The following ANKMY1 variants were observed in gnomAD, a reference collection of about 807,000 sequenced individuals.
ANKMY1 encodes the protein ankyrin repeat and MYND domain-containing protein 1.
ANKMY1 carries 98 observed loss-of-function variants against 102.0 expected under a neutral mutation model. That is an observed-to-expected ratio of 0.96 (90% confidence interval 0.82 to 1.14). The LOEUF (loss-of-function observed/expected upper bound fraction) is 1.14. Among genes scored for constraint, ANKMY1 ranks in the 50% most tolerant of loss-of-function variants. The pLI, the probability that ANKMY1 is intolerant of heterozygous loss-of-function variation, is 0.00. For missense variants in ANKMY1, 1,330 were observed against 1,347.6 expected (o/e 0.99, Z 0.20); for synonymous variants, 582 against 559.9 (o/e 1.04, Z -0.56).
intron 4 of ANKMY1, among the ~76,000 whole-genome samples, chr2:240,548,043 G>T (rs377017039): frequency 2.0e-5 from 3 of 152,052 alleles, no homozygotes; most frequent in Non-Finnish European, 4.4e-5. Context: ...TACCAAAGCC[G>T]GGCAGAGACA....
At chr2:240,541,622 C>T (rs2088840873) in intron 4 of ANKMY1, among the ~76,000 whole-genome samples, 1 of 151,726 alleles carries the variant, frequency 6.6e-6, no homozygotes. Flanking sequence ...CCTGCCTCAG[C>T]CTCCAGAGTA....
rs1191644267 is a variant in ANKMY1, at chr2:240,557,213, C to T, written c.123G>A (p.Lys41=). The change falls in exon 2 of 18, where the codon AAG becomes AAA. Residue 41 remains lysine (K), a synonymous_variant. Coordinates refer to ENST00000401804, the MANE Select transcript of ANKMY1 (RefSeq NM_001282771.3). ...ACCTTGTGGCGAAGACAGCGTAGTTCTTCAGGGACCCCGGCTCCTCGGCAG... is the reference window on the plus strand; with the variant it reads ...ACCTTGTGGCGAAGACAGCGTAGTTTTTCAGGGACCCCGGCTCCTCGGCAG... ...TPAAEEPGSL[K]NYAVFATRDV... 3 of 1,573,624 alleles carry T rather than the reference C, an allele frequency of 1.9e-6. No homozygotes were observed. Among genetic ancestry groups the T allele is most frequent in the Non-Finnish European group, 1.7e-6 (2 of 1,158,314 alleles).
downstream of ANKMY1, among the ~76,000 whole-genome samples, chr2:240,476,287 A>G (rs1230919820): frequency 2.6e-5 from 4 of 152,198 alleles, no homozygotes; most frequent in Non-Finnish European, 4.4e-5. Context: ...TCGGATATGT[A>G]CATGCAGAAG....
the ANKMY1 span, among the ~76,000 whole-genome samples, chr2:240,468,669 C>G: frequency 6.6e-6 from 1 of 152,230 alleles, no homozygotes; most frequent in Non-Finnish European, 1.5e-5. Context: ...AGAATTGCAG[C>G]CAGTACAGGT....
At chr2:240,469,888 G>A in the ANKMY1 span, among the ~76,000 whole-genome samples, 6 of 151,834 alleles carry the variant, frequency 4.0e-5, no homozygotes, top group South Asian at 4.2e-4. Flanking sequence ...ATCCATACAC[G>A]TGCACACACA....
intron 4 of ANKMY1, 177 bp downstream of exon 4, chr2:240,552,737 G>A (rs1204956903): frequency 1.0e-6 from 1 of 969,918 alleles, no homozygotes; most frequent in African/African-American, 1.7e-5. Flanking sequence ...AAAATGCAAG[G>A]AGGCTTTTAT....
chr2:240,525,761 C>T lies in ANKMY1; in HGVS notation c.1259G>A (p.Ser420Asn), dbSNP rs1232255904. The change falls in exon 7 of 18, where the codon AGC becomes AAC. Residue 420 changes from serine (S) to asparagine (N), a missense_variant. Ser to Asn is a conservative substitution (Grantham distance 46). Transcript: ENST00000401804. ...KCSDEGLTAL[S>N]MCFLLHYPAQ... ...GGGGTAGTGGAGGAGGAAACACATG[C>T]TGAGTGCCGTGAGACCCTCATCTGA... The T allele has an allele frequency of 6.2e-7, 1 of 1,614,034 alleles. No homozygotes were observed. The highest frequency in any genetic ancestry group is 1.3e-5 in the African/African-American group (1 of 74,916).
At position 240,479,552 on chromosome 2, in the gene ANKMY1, G is replaced by C; in HGVS notation, c.*57C>G. ...AGATTCCCTGAGGTGGCTCAGGCAG[G>C]TAAGAAACCCACACAGTCCTGGGTC... On this transcript the variant is annotated 3_prime_UTR_variant, in exon 18 of 18. Transcript: ENST00000401804. 1 of 1,585,522 alleles carries C rather than the reference G, an allele frequency of 6.3e-7. No homozygotes were observed. The highest frequency in any genetic ancestry group is 8.7e-7 in the Non-Finnish European group (1 of 1,154,982).
chr2:240,486,101 G>A (rs2076032394), intron 15 of ANKMY1, among the ~76,000 whole-genome samples: 1 of 152,138 alleles, frequency 6.6e-6, no homozygotes, highest in Non-Finnish European at 1.5e-5. Flanking sequence ...GAGAGAAGGA[G>A]AAAATGTATA....
At chr2:240,526,579 C>T (rs1447004406) in intron 5 of ANKMY1, 134 bp from the exon 6 acceptor site, 1 of 1,476,650 alleles carries the variant, frequency 6.8e-7, no homozygotes, top group South Asian at 1.4e-5. Context: ...TCCTCAGGTA[C>T]CCTGAGTGCT....
At chr2:240,530,957 A>G (rs2085228028) in intron 4 of ANKMY1, among the ~76,000 whole-genome samples, 2 of 150,614 alleles carry the variant, frequency 1.3e-5, no homozygotes, top group South Asian at 4.2e-4. Context: ...AAAAAAAAAA[A>G]GTCATTGTTA....
chr2:240,535,070 G>C (rs775703718), intron 4 of ANKMY1, among the ~76,000 whole-genome samples: 43 of 152,330 alleles, frequency 2.8e-4, no homozygotes, highest in Middle Eastern at 3.4e-3. Context: ...AAGTCAAACT[G>C]TGTGAAATGT....
chr2:240,560,785 CGGGCGCG>C, upstream of ANKMY1: 1 of 1,458,742 alleles, frequency 6.9e-7, no homozygotes, highest in Non-Finnish European at 9.0e-7. Context: ...GCGCGAGCCG[CGGGCGCG>C]GAGGAGCAGC....
chr2:240,554,701 G>T, intron 3 of ANKMY1, 165 bp downstream of exon 3: 1 of 785,118 alleles, frequency 1.3e-6, no homozygotes, highest in Non-Finnish European at 2.0e-6. Context: ...TTTGGAAGTT[G>T]GGAAAGATGC....
intron 5 of ANKMY1, chr2:240,526,665 A>G (rs1251468789): frequency 7.0e-7 from 1 of 1,429,812 alleles, no homozygotes; most frequent in Non-Finnish European, 9.1e-7. Context: ...GGAGGTCAAG[A>G]TGCTTGGGCT....
upstream of ANKMY1, chr2:240,557,997 T>A: frequency 1.0e-6 from 1 of 985,214 alleles, no homozygotes; most frequent in African/African-American, 1.7e-5. Flanking sequence ...ACGGAGAGCG[T>A]CGCGTTTCCC....
Position 240,511,927 on chromosome 2 carries a change from T to A in ANKMY1, c.2220A>T (p.Thr740=). 6.3e-7 allele frequency: 1 copy of A among 1,579,166 alleles called. No individual in the cohort carries two copies. The highest frequency in any genetic ancestry group is 8.6e-7 in the Non-Finnish European group (1 of 1,169,224). Residue 740 remains threonine (T), a synonymous_variant, in exon 11 of 18, where the codon ACA becomes ACT. Coordinates refer to ENST00000401804, the MANE Select transcript of ANKMY1 (RefSeq NM_001282771.3). ...GPPQAYYSTD[T]ALPEEGGRTA... ...TCCTGCCCCCCTCCTCCGGGAGGGC[T>A]GTGTCCGTGCTGTAGTAGGCTTGGG...
intron 4 of ANKMY1, among the ~76,000 whole-genome samples, chr2:240,548,301 C>A (rs981924522): frequency 6.6e-6 from 1 of 152,132 alleles, no homozygotes; most frequent in African/African-American, 2.4e-5. Context: ...AGACCTTTGA[C>A]AAAATTCAAC....
chr2:240,533,569 A>G (rs1229147777), intron 4 of ANKMY1, among the ~76,000 whole-genome samples: 1 of 152,192 alleles, frequency 6.6e-6, no homozygotes, highest in Non-Finnish European at 1.5e-5. Flanking sequence ...TAATTCTTCA[A>G]GATCTGGTGT....
Sources: gnomAD v4.1 joint callset for allele counts (sites outside exome capture counted in the v4.1 genomes callset) on GRCh38, gnomAD v4.1.1 for gene constraint, MANE v1.5 for transcripts, NCBI Gene and HGNC (gene_info 2026-07-23, HGNC 2026-07-21) for gene names.